Variants in TAMM41 observed in about 807,000 individuals in gnomAD.
TAMM41 encodes the protein phosphatidate cytidylyltransferase, mitochondrial.
A neutral mutation model predicts 44.1 loss-of-function variants in TAMM41; 36 were observed. The observed-to-expected ratio is 0.82, with a 90% CI of 0.63 to 1.08. TAMM41 has a LOEUF of 1.08. Among genes scored for constraint, TAMM41 ranks in the 50% least tolerant of loss-of-function variants. TAMM41 has a pLI of 0.00. For missense variants in TAMM41, 417 were observed against 404.3 expected (o/e 1.03, Z -0.27); for synonymous variants, 164 against 153.1 (o/e 1.07, Z -0.53).
At chr3:11,737,241 C>A in the TAMM41 span, among the ~76,000 whole-genome samples, 1 of 146,170 alleles carries the variant, frequency 6.8e-6, no homozygotes, top group East Asian at 2.2e-4. Context: ...CACCCACCCC[C>A]ACCTGCCCCC....
At chr3:11,834,970 G>A (rs571234055) in intron 3 of TAMM41, among the ~76,000 whole-genome samples, 44 of 152,288 alleles carry the variant, frequency 2.9e-4, no homozygotes, top group Middle Eastern at 6.8e-3. Flanking sequence ...TTATAGGCAT[G>A]AGCCACCGCA....
chr3:11,748,050 T>A, the TAMM41 span, among the ~76,000 whole-genome samples: 2 of 151,398 alleles, frequency 1.3e-5, no homozygotes, highest in African/African-American at 4.9e-5. Context: ...AATTTTTGTA[T>A]TTTTTGTAGA....
At position 11,841,632 on chromosome 3, in the gene TAMM41, G is replaced by A. The variant is rs116414819; in HGVS notation, c.319-2318C>T. Among the ~76,000 whole-genome samples the A allele has an allele frequency of 3.8e-3, 571 of 152,262 alleles. 4 individuals are homozygous for A. Among genetic ancestry groups the A allele is most frequent in the African/African-American group, 0.013 (550 of 41,542 alleles). ...TATTCTTTGAAAATTACTAATTACA[G>A]GTAGGTTTGGCATAATATTAACTGT... On this transcript the variant is annotated intron_variant, in intron 2 of 7. Transcript: ENST00000455809.
chr3:11,842,555 G>A (rs303856), intron 2 of TAMM41, among the ~76,000 whole-genome samples: 122,107 of 151,800 alleles, frequency 0.8, 49,647 homozygotes, highest in Middle Eastern at 0.93. Flanking sequence ...TTAGCCAGGC[G>A]TGGTGGTATG....
chr3:11,816,363 A>G (rs1326164211), intron 5 of TAMM41, among the ~76,000 whole-genome samples: 1 of 152,228 alleles, frequency 6.6e-6, no homozygotes, highest in Non-Finnish European at 1.5e-5. Context: ...CAAGTGGGGA[A>G]AGAAGAGAAT....
At chr3:11,832,350 C>T (rs1049115178) in intron 3 of TAMM41, among the ~76,000 whole-genome samples, 1 of 151,532 alleles carries the variant, frequency 6.6e-6, no homozygotes, top group South Asian at 2.1e-4. Context: ...CCAATTACTA[C>T]GTTGAAGGCA....
chr3:11,746,803 T>A, the TAMM41 span, among the ~76,000 whole-genome samples: 1 of 149,434 alleles, frequency 6.7e-6, no homozygotes, highest in South Asian at 2.1e-4. Flanking sequence ...CCCAGCTAAT[T>A]TTTTGTATTT....
chr3:11,725,318 C>T, the TAMM41 span, among the ~76,000 whole-genome samples: 2 of 66,194 alleles, frequency 3.0e-5, no homozygotes, highest in African/African-American at 9.5e-5. Context: ...TTTTTCTTCT[C>T]CTCCTCCTCC....
the TAMM41 span, among the ~76,000 whole-genome samples, chr3:11,759,575 A>T: frequency 4.0e-3 from 242 of 59,816 alleles, 1 homozygote; most frequent in African/African-American, 0.02. Context: ...GCATACGGAA[A>T]GCAATTGCTC....
intron 7 of TAMM41, among the ~76,000 whole-genome samples, chr3:11,800,547 TAAAAA>T (rs60989120): frequency 1.4e-5 from 2 of 145,408 alleles, no homozygotes; most frequent in African/African-American, 5.0e-5. Context: ...CAAAAACAGT[TAAAAA>T]AAAAAAAAAA....
chr3:11,764,935 A>T, the TAMM41 span, among the ~76,000 whole-genome samples: 1 of 152,196 alleles, frequency 6.6e-6, no homozygotes, highest in Non-Finnish European at 1.5e-5. Flanking sequence ...TTCCTGCTTT[A>T]GCCAGAAAAA....
the TAMM41 span, among the ~76,000 whole-genome samples, chr3:11,733,622 A>G: frequency 1.3e-5 from 2 of 151,826 alleles, no homozygotes; most frequent in Admixed American, 1.3e-4. Flanking sequence ...CCTCCTGAGT[A>G]GCTGGGACTA....
chr3:11,792,173 AT>A (rs34977134), intron 7 of TAMM41, among the ~76,000 whole-genome samples: 192 of 146,642 alleles, frequency 1.3e-3, no homozygotes, highest in Non-Finnish European at 1.1e-3. Context: ...CCATGTAGCC[AT>A]TTTTTTTTTT....
chr3:11,761,306 G>T, the TAMM41 span, among the ~76,000 whole-genome samples: 10 of 151,944 alleles, frequency 6.6e-5, no homozygotes, highest in Admixed American at 6.6e-4. Flanking sequence ...TGGGATCTTG[G>T]TTTGCTCAGT....
the TAMM41 span, among the ~76,000 whole-genome samples, chr3:11,752,990 A>C: frequency 4.6e-5 from 7 of 151,924 alleles, no homozygotes; most frequent in African/African-American, 1.7e-4. Context: ...GGATGTTGAG[A>C]GAGACAACTA....
downstream of TAMM41, among the ~76,000 whole-genome samples, chr3:11,786,939 C>T (rs749752529): frequency 9.9e-5 from 15 of 152,156 alleles, no homozygotes; most frequent in Non-Finnish European, 1.9e-4. Flanking sequence ...TATTCTCCCT[C>T]ACACTTCCAA....
At chr3:11,789,748 T>A (rs1036130647), downstream of TAMM41, among the ~76,000 whole-genome samples, 1 of 152,188 alleles carries the variant, frequency 6.6e-6, no homozygotes, top group Non-Finnish European at 1.5e-5. Context: ...AAAGGAGTCT[T>A]CTCTGTGGCT....
At chr3:11,750,499 A>G in the TAMM41 span, among the ~76,000 whole-genome samples, 256 of 151,876 alleles carry the variant, frequency 1.7e-3, 1 homozygote, top group African/African-American at 5.8e-3. Context: ...TTGTGGAGAT[A>G]GGGCCTCACT....
intron 4 of TAMM41, among the ~76,000 whole-genome samples, chr3:11,817,735 C>T (rs1171826749): frequency 6.6e-6 from 1 of 152,150 alleles, no homozygotes; most frequent in Non-Finnish European, 1.5e-5. Flanking sequence ...TTGTCCTTGC[C>T]ATTGCTTCCT....
Sources: allele counts gnomAD v4.1 joint callset (sites outside exome capture counted in the v4.1 genomes callset), GRCh38; gene constraint gnomAD v4.1.1; transcripts MANE v1.5; gene names NCBI Gene and HGNC (gene_info 2026-07-23, HGNC 2026-07-21).